The following UGT8 variants were observed in gnomAD, a reference collection of about 807,000 sequenced individuals.
UGT8 encodes the protein UDP glycosyltransferase 8.
Under a neutral mutation model 40.5 loss-of-function variants are expected in UGT8, and 12 were observed. The ratio of observed to expected loss-of-function variants is 0.30; its 90% CI spans 0.19 to 0.48. UGT8 has a LOEUF of 0.48. Ranked by LOEUF, UGT8 falls within the 20% of genes least tolerant of loss-of-function variation. The pLI, the probability that UGT8 is intolerant of heterozygous loss-of-function variation, is 0.99. For synonymous variants in UGT8, 224 were observed against 240.4 expected (o/e 0.93, Z 0.63); for missense variants, 513 against 648.7 (o/e 0.79, Z 2.27).
At chr4:114,654,488 A>G (rs1211473852) in intron 2 of UGT8, among the ~76,000 whole-genome samples, 1 of 152,062 alleles carries the variant, frequency 6.6e-6, no homozygotes, top group Non-Finnish European at 1.5e-5. Context: ...AGCAGGAACA[A>G]CTTTTCTGTG....
chr4:114,604,799 T>C (rs1223229935), intron 1 of UGT8, among the ~76,000 whole-genome samples: 2 of 152,146 alleles, frequency 1.3e-5, no homozygotes, highest in Non-Finnish European at 2.9e-5. Context: ...ATTTTTAAGA[T>C]GAAATGAATT....
Position 114,676,258 on chromosome 4 carries a change from C to T in UGT8, c.1596C>T (p.Gly532=), listed in dbSNP as rs1735640671. 3.1e-6 allele frequency: 5 copies of T among 1,595,998 alleles called. No individual in the cohort carries two copies. Among genetic ancestry groups the T allele is most frequent in the Non-Finnish European group, 4.3e-6 (5 of 1,171,172 alleles). The change falls in exon 6 of 6, where the codon GGC becomes GGT. Residue 532 remains glycine, a synonymous_variant. Coordinates refer to ENST00000310836, the MANE Select transcript of UGT8 (RefSeq NM_001128174.3). ...GILNGKYKRN[G]HIKHEKKVK ...TCAATGGCAAGTACAAAAGAAATGG[C>T]CATATTAAACATGAAAAGAAAGTGA...
chr4:114,642,114 T>G (rs1040947603), intron 2 of UGT8, among the ~76,000 whole-genome samples: 2 of 152,158 alleles, frequency 1.3e-5, no homozygotes, highest in African/African-American at 4.8e-5. Flanking sequence ...TTAAAATTGT[T>G]AACAGGACCC....
At chr4:114,663,737 C>CTTTA (rs1734690158) in intron 2 of UGT8, 1 of 985,038 alleles carries the variant, frequency 1.0e-6, no homozygotes, top group African/African-American at 1.7e-5. Flanking sequence ...GATTTTAAGC[C>CTTTA]TTTAGCAACT....
At chr4:114,649,444 G>A (rs1733771234) in intron 2 of UGT8, among the ~76,000 whole-genome samples, 1 of 152,140 alleles carries the variant, frequency 6.6e-6, no homozygotes, top group South Asian at 2.1e-4. Context: ...CACAGTGGAA[G>A]TTTATTTTTG....
chr4:114,650,109 C>A (rs1286930621), intron 2 of UGT8, among the ~76,000 whole-genome samples: 1 of 152,142 alleles, frequency 6.6e-6, no homozygotes, highest in Non-Finnish European at 1.5e-5. Context: ...GTATTAGGAT[C>A]ATTGATTCTC....
At position 114,618,355 on chromosome 4, in the gene UGT8, A is replaced by G. The variant is rs562729459; in HGVS notation, c.-2-4524A>G. Among the ~76,000 whole-genome samples, 13 of 152,330 alleles carry G rather than the reference A, an allele frequency of 8.5e-5. No homozygotes were observed. In the South Asian group the frequency reaches 2.3e-3, roughly 27 times the overall value. ...ATTTTCACCAACTTCTTAAGACTAC[A>G]CTGTGCCTTTGCAAGAGTTGAGCAT... On this transcript the variant is annotated intron_variant, in intron 1 of 5. Transcript: ENST00000310836.
chr4:114,607,890 A>G (rs1210983450), intron 1 of UGT8, among the ~76,000 whole-genome samples: 2 of 152,042 alleles, frequency 1.3e-5, no homozygotes, highest in Admixed American at 1.3e-4. Flanking sequence ...CATTTTCACC[A>G]TTACCTGGGC....
intron 1 of UGT8, among the ~76,000 whole-genome samples, chr4:114,612,990 C>T (rs537889185): frequency 6.6e-6 from 1 of 151,976 alleles, no homozygotes; most frequent in African/African-American, 2.4e-5. Context: ...TTCTTAAACC[C>T]TTTTTTTCCC....
chr4:114,675,901 C>A, intron 5 of UGT8, 24 bp from the exon 6 acceptor site: 1 of 1,577,180 alleles, frequency 6.3e-7, no homozygotes, highest in South Asian at 1.2e-5. Context: ...CATCATCATT[C>A]TGTGTTTTGT....
intron 2 of UGT8, among the ~76,000 whole-genome samples, chr4:114,637,510 A>G (rs575388695): frequency 2.6e-5 from 4 of 152,328 alleles, no homozygotes; most frequent in Admixed American, 6.5e-5. Context: ...ATGGAAAACC[A>G]AAGATCTAGA....
chr4:114,622,557 G>T (rs953305473), intron 1 of UGT8: 1 of 258,298 alleles, frequency 3.9e-6, no homozygotes, highest in African/African-American at 2.3e-5. Context: ...CCCACCAACA[G>T]TGTAAAAGTG....
intron 2 of UGT8, among the ~76,000 whole-genome samples, chr4:114,629,792 A>G (rs1304618376): frequency 6.6e-6 from 1 of 152,206 alleles, no homozygotes; most frequent in African/African-American, 2.4e-5. Context: ...GATCCAATAT[A>G]TGAACGGAAT....
intron 1 of UGT8, among the ~76,000 whole-genome samples, chr4:114,610,433 A>G (rs943905630): frequency 3.3e-5 from 5 of 152,238 alleles, no homozygotes. Context: ...GACAATGGCA[A>G]TGATATACAA....
At chr4:114,658,292 C>T (rs1340919980) in intron 2 of UGT8, among the ~76,000 whole-genome samples, 1 of 152,184 alleles carries the variant, frequency 6.6e-6, no homozygotes, top group African/African-American at 2.4e-5. Context: ...CCACCCCCCT[C>T]ATCTCCCATT....
At chr4:114,666,513 A>G (rs1734889952) in intron 4 of UGT8, among the ~76,000 whole-genome samples, 2 of 152,098 alleles carry the variant, frequency 1.3e-5, no homozygotes, top group Non-Finnish European at 2.9e-5. Context: ...AAAAAAGAAT[A>G]CAAGGCAATT....
At chr4:114,661,695 T>G (rs948157881) in intron 2 of UGT8, among the ~76,000 whole-genome samples, 3 of 152,232 alleles carry the variant, frequency 2.0e-5, no homozygotes, top group African/African-American at 7.2e-5. Context: ...ATCCACTTGC[T>G]CACTGTCTCT....
chr4:114,667,805 T>A (rs6857337), intron 4 of UGT8: 522,312 of 724,698 alleles, frequency 0.72, 191,287 homozygotes, highest in East Asian at 0.94. Flanking sequence ...ATTGGCCATT[T>A]AAATATGTGT....
chr4:114,623,926 G>A (rs1236820193), intron 2 of UGT8: 1 of 219,912 alleles, frequency 4.5e-6, no homozygotes, highest in Non-Finnish European at 7.7e-6. Flanking sequence ...AGACCACTAT[G>A]CCATATGGTC....
Sources: allele counts gnomAD v4.1 joint callset (sites outside exome capture counted in the v4.1 genomes callset), GRCh38; gene constraint gnomAD v4.1.1; transcripts MANE v1.5; gene names NCBI Gene and HGNC (gene_info 2026-07-23, HGNC 2026-07-21).